Variants in GRIA1 observed in about 807,000 individuals in gnomAD.
GRIA1 encodes the protein glutamate ionotropic receptor AMPA type subunit 1.
Under a neutral mutation model 99.2 loss-of-function variants are expected in GRIA1, and 31 were observed. The observed-to-expected ratio is 0.31, with a 90% CI of 0.23 to 0.42. The LOEUF is 0.42. Among genes scored for constraint, GRIA1 ranks in the 10% least tolerant of loss-of-function variants. The pLI is 1.00. For missense variants in GRIA1, 782 were observed against 1,157.5 expected, an observed-to-expected ratio of 0.68 and a Z score of 4.71; for synonymous variants, 438 against 432.4, an observed-to-expected ratio of 1.01 and a Z score of -0.16.
At chr5:153,627,096 A>G (rs1767700342) in intron 2 of GRIA1, among the ~76,000 whole-genome samples, 1 of 152,244 alleles carries the variant, frequency 6.6e-6, no homozygotes, top group South Asian at 2.1e-4. Flanking sequence ...ACTGAGAGGT[A>G]CAATTTTCCA....
rs373617047 is a variant in GRIA1, at chr5:153,698,822, T to A, written c.1246-45T>A. 5.4e-6 allele frequency: 7 copies of A among 1,300,550 alleles called. No individual in the cohort carries two copies. In the African/African-American group the frequency reaches 7.3e-5, roughly 13 times the overall value. The allele number at this position is 1,300,550 out of a possible 1,614,324, so 80.6% of individuals were successfully genotyped here. A position where few individuals can be genotyped will look rare whatever the true frequency, so the allele number is the denominator to read the frequency against. On this transcript the variant is annotated intron_variant, in intron 9 of 15. Transcript: ENST00000285900. Reference sequence around the variant, plus strand: ...TGCCAAAGTCCTCCCTACCCATGGGTGAACCCATAACCCACATTCTGCTAT... The same window carrying A: ...TGCCAAAGTCCTCCCTACCCATGGGAGAACCCATAACCCACATTCTGCTAT...
chr5:153,768,343 T>C (rs1047640190), intron 12 of GRIA1, among the ~76,000 whole-genome samples: 1 of 152,122 alleles, frequency 6.6e-6, no homozygotes, highest in African/African-American at 2.4e-5. Flanking sequence ...TTAAAGATTA[T>C]AATGCCCAAA....
chr5:153,588,192 T>C (rs1166708189), intron 2 of GRIA1, among the ~76,000 whole-genome samples: 1 of 152,166 alleles, frequency 6.6e-6, no homozygotes, highest in Non-Finnish European at 1.5e-5. Flanking sequence ...AATACGGCAG[T>C]GTTAGCCTCT....
chr5:153,505,804 G>A (rs1005937402), intron 2 of GRIA1, among the ~76,000 whole-genome samples: 2 of 152,150 alleles, frequency 1.3e-5, no homozygotes, highest in African/African-American at 2.4e-5. Context: ...AATATATAGA[G>A]AGAGATCATT....
chr5:153,633,749 A>G (rs568838108), intron 2 of GRIA1, among the ~76,000 whole-genome samples: 1 of 152,344 alleles, frequency 6.6e-6, no homozygotes, highest in South Asian at 2.1e-4. Flanking sequence ...CTAAGTTCAT[A>G]TAAAGAACCT....
intron 13 of GRIA1, among the ~76,000 whole-genome samples, chr5:153,785,305 T>C (rs1475381023): frequency 2.0e-5 from 3 of 152,178 alleles, no homozygotes; most frequent in African/African-American, 7.2e-5. Context: ...GTTTAAACTT[T>C]ACTCATCAAT....
At chr5:153,534,743 T>C (rs1296612381) in intron 2 of GRIA1, among the ~76,000 whole-genome samples, 5 of 152,120 alleles carry the variant, frequency 3.3e-5, no homozygotes, top group African/African-American at 9.7e-5. Flanking sequence ...ATCTATGAAG[T>C]TGGATTTTAA....
chr5:153,709,023 T>G (rs1052988877), intron 11 of GRIA1, among the ~76,000 whole-genome samples: 1 of 152,206 alleles, frequency 6.6e-6, no homozygotes, highest in African/African-American at 2.4e-5. Flanking sequence ...TGGAAATATA[T>G]GTAGAAGAGA....
intron 2 of GRIA1, among the ~76,000 whole-genome samples, chr5:153,510,518 A>T (rs1370502080): frequency 6.6e-6 from 1 of 152,142 alleles, no homozygotes; most frequent in Non-Finnish European, 1.5e-5. Flanking sequence ...GAAATCGCTG[A>T]AAAAGAGTGC....
chr5:153,509,379 C>T (rs1755839144), intron 2 of GRIA1, among the ~76,000 whole-genome samples: 2 of 152,196 alleles, frequency 1.3e-5, no homozygotes. Flanking sequence ...GATGCTACCA[C>T]AGCCCTGTGA....
intron 11 of GRIA1, among the ~76,000 whole-genome samples, chr5:153,759,246 A>G (rs1763022855): frequency 6.6e-6 from 1 of 151,722 alleles, no homozygotes; most frequent in Non-Finnish European, 1.5e-5. Context: ...TAAATAAAAT[A>G]GGGGCTAAAA....
At chr5:153,754,557 T>A (rs995445957) in intron 11 of GRIA1, among the ~76,000 whole-genome samples, 47 of 152,264 alleles carry the variant, frequency 3.1e-4, no homozygotes, top group African/African-American at 1.1e-3. Flanking sequence ...GCTTTGGGCT[T>A]CACTAGATGA....
chr5:153,533,829 A>G (rs1171222475), intron 2 of GRIA1, among the ~76,000 whole-genome samples: 1 of 152,234 alleles, frequency 6.6e-6, no homozygotes, highest in African/African-American at 2.4e-5. Context: ...CCCATGCATA[A>G]TCTCATTTAA....
intron 15 of GRIA1, among the ~76,000 whole-genome samples, chr5:153,802,774 G>T (rs182028842): frequency 6.6e-6 from 1 of 152,296 alleles, no homozygotes; most frequent in East Asian, 1.9e-4. Flanking sequence ...GATAGGTAGC[G>T]CAGCGAGAGG....
At chr5:153,778,963 C>T (rs1484514756) in intron 13 of GRIA1, among the ~76,000 whole-genome samples, 1 of 152,116 alleles carries the variant, frequency 6.6e-6, no homozygotes, top group East Asian at 1.9e-4. Context: ...CCCTGCTTGT[C>T]CATAACAGAT....
At position 153,705,940 on chromosome 5, in the gene GRIA1, C is replaced by G; in HGVS notation, c.1696C>G (p.His566Asp). The change falls in exon 11 of 16, where the codon CAC becomes GAC. Residue 566 changes from histidine to aspartate, a missense_variant. Physicochemically the swap from His to Asp is moderately conservative, Grantham distance 81. This residue lies in a region of GRIA1 where 39 missense variants were observed against 43.5 expected (regional missense o/e 0.90). Coordinates refer to ENST00000285900, the MANE Select transcript of GRIA1 (RefSeq NM_000827.4). The stretch of plus-strand genomic sequence containing the variant: ...CAGCCGCTTCAGTCCCTATGAATGG[C>G]ACAGTGAAGAGTTTGAGGAAGGACG... ...LVSRFSPYEWHSEEFEEGRDQ... is the reference protein window; with the variant it reads ...LVSRFSPYEWDSEEFEEGRDQ... 6.2e-7 allele frequency: 1 copy of G among 1,613,926 alleles called. No individual in the cohort carries two copies. Among genetic ancestry groups the G allele is most frequent in the Non-Finnish European group, 8.5e-7 (1 of 1,179,968 alleles).
At chr5:153,551,169 T>G (rs1747181158) in intron 2 of GRIA1, among the ~76,000 whole-genome samples, 1 of 152,100 alleles carries the variant, frequency 6.6e-6, no homozygotes, top group Non-Finnish European at 1.5e-5. Flanking sequence ...AAATAGAAGA[T>G]GTAATATTTT....
intron 2 of GRIA1, among the ~76,000 whole-genome samples, chr5:153,624,344 G>A (rs11747659): frequency 2.6e-4 from 40 of 152,008 alleles, no homozygotes; most frequent in African/African-American, 9.2e-4. Flanking sequence ...GGCTCACCTT[G>A]GGTTGAGGGT....
intron 1 of GRIA1, among the ~76,000 whole-genome samples, chr5:153,493,380 A>G (rs1754103849): frequency 6.6e-6 from 1 of 152,250 alleles, no homozygotes; most frequent in African/African-American, 2.4e-5. Flanking sequence ...GTTAAATTGC[A>G]TGCAGGTCTT....
Sources: gnomAD v4.1 joint callset for allele counts (sites outside exome capture counted in the v4.1 genomes callset) on GRCh38, gnomAD v4.1.1 for gene constraint, gnomAD v4.1.1 regional missense constraint, MANE v1.5 for transcripts, NCBI Gene and HGNC (gene_info 2026-07-23, HGNC 2026-07-21) for gene names.